Variants in CSMD3 observed in about 807,000 individuals in gnomAD.
CSMD3 encodes CUB and sushi domain-containing protein 3.
A neutral mutation model predicts 435.2 loss-of-function variants in CSMD3; 177 were observed. The ratio of observed to expected loss-of-function variants is 0.41; its 90% CI spans 0.36 to 0.46. The LOEUF (loss-of-function observed/expected upper bound fraction) is 0.46, where lower values mean the gene tolerates loss of function less well. Among genes scored for constraint, CSMD3 ranks in the 20% least tolerant of loss-of-function variants. CSMD3 has a pLI of 0.34. For synonymous variants in CSMD3, 1,656 were observed against 1,520.5 expected (o/e 1.09, Z -2.07); for missense variants, 4,265 against 4,504.6 (o/e 0.95, Z 1.52).
intron 22 of CSMD3, among the ~76,000 whole-genome samples, chr8:112,617,186 A>G (rs779566059): frequency 5.9e-5 from 9 of 152,198 alleles, no homozygotes; most frequent in Admixed American, 3.3e-4. Context: ...AATCTTCACA[A>G]TAAAATAATA....
chr8:113,421,031 T>C (rs181799792), intron 1 of CSMD3, among the ~76,000 whole-genome samples: 82 of 151,618 alleles, frequency 5.4e-4, no homozygotes, highest in African/African-American at 1.9e-3. Flanking sequence ...TAAATATAAC[T>C]GACATTATAA....
chr8:112,245,782 C>T (rs148298845), intron 64 of CSMD3, among the ~76,000 whole-genome samples: 2,024 of 152,262 alleles, frequency 0.013, 33 homozygotes, highest in Middle Eastern at 0.044. Flanking sequence ...AAGTGATCTG[C>T]CCACCTCGGC....
At chr8:112,491,472 T>C (rs1019763597) in intron 31 of CSMD3, among the ~76,000 whole-genome samples, 15 of 151,742 alleles carry the variant, frequency 9.9e-5, no homozygotes, top group Non-Finnish European at 1.5e-4. Context: ...CTGAGCAACA[T>C]TGCAAAAACT....
intron 13 of CSMD3, among the ~76,000 whole-genome samples, chr8:112,778,941 C>A (rs562555133): frequency 6.6e-6 from 1 of 152,004 alleles, no homozygotes; most frequent in East Asian, 1.9e-4. Context: ...TGATGTTGAA[C>A]ATATTTTCAT....
intron 12 of CSMD3, among the ~76,000 whole-genome samples, chr8:112,808,791 C>A (rs1034205819): frequency 3.4e-4 from 52 of 152,164 alleles, no homozygotes; most frequent in African/African-American, 1.2e-3. Flanking sequence ...CTAGCCCCTT[C>A]TTCGAGGCCA....
chr8:112,486,324 T>C (rs1380301722), intron 31 of CSMD3, among the ~76,000 whole-genome samples: 1 of 152,078 alleles, frequency 6.6e-6, no homozygotes, highest in African/African-American at 2.4e-5. Flanking sequence ...TATAGGGCAG[T>C]GATTAAGATC....
At chr8:112,709,547 A>C (rs974595208) in intron 13 of CSMD3, among the ~76,000 whole-genome samples, 1 of 152,126 alleles carries the variant, frequency 6.6e-6, no homozygotes, top group Non-Finnish European at 1.5e-5. Context: ...ATTACAATTC[A>C]GAGAAACAGA....
intron 1 of CSMD3, among the ~76,000 whole-genome samples, chr8:113,400,980 G>A (rs773877252): frequency 5.3e-5 from 8 of 151,734 alleles, no homozygotes; most frequent in Non-Finnish European, 8.9e-5. Context: ...GTAATTGAGA[G>A]ATAAAGAAAC....
At chr8:112,528,202 C>T (rs1457722214) in intron 27 of CSMD3, among the ~76,000 whole-genome samples, 7 of 151,898 alleles carry the variant, frequency 4.6e-5, no homozygotes, top group African/African-American at 1.7e-4. Flanking sequence ...TATACATACT[C>T]CTTAATATAA....
chr8:112,285,063 TTG>T (rs1430278710), intron 58 of CSMD3, among the ~76,000 whole-genome samples: 1 of 152,048 alleles, frequency 6.6e-6, no homozygotes, highest in African/African-American at 2.4e-5. Flanking sequence ...TAAAATCTGT[TTG>T]TGTAAGTGAT....
chr8:112,541,521 T>C (rs1586641301), intron 27 of CSMD3, among the ~76,000 whole-genome samples: 1 of 151,930 alleles, frequency 6.6e-6, no homozygotes, highest in South Asian at 2.1e-4. Flanking sequence ...GACACATTTA[T>C]AGAAATATAC....
At chr8:112,391,564 C>T (rs567415746) in intron 35 of CSMD3, among the ~76,000 whole-genome samples, 1 of 152,056 alleles carries the variant, frequency 6.6e-6, no homozygotes, top group African/African-American at 2.4e-5. Context: ...TGATGGTGGG[C>T]GCCTGTAGTC....
chr8:112,344,290 C>G (rs1227516193), intron 41 of CSMD3, among the ~76,000 whole-genome samples: 1 of 152,182 alleles, frequency 6.6e-6, no homozygotes, highest in Non-Finnish European at 1.5e-5. Flanking sequence ...CCTGTGCTCT[C>G]TAGTTACACT....
intron 3 of CSMD3, among the ~76,000 whole-genome samples, chr8:113,244,637 G>A (rs1026934981): frequency 2.0e-5 from 3 of 152,006 alleles, no homozygotes; most frequent in African/African-American, 7.2e-5. Context: ...TATGGTGTCA[G>A]CAGTAATCAA....
At chr8:113,217,678 A>T (rs2132112273) in intron 3 of CSMD3, among the ~76,000 whole-genome samples, 1 of 151,784 alleles carries the variant, frequency 6.6e-6, no homozygotes, top group Admixed American at 6.6e-5. Context: ...AGAGAGAAAC[A>T]AAGTGTTTTT....
rs148610500 is a variant in CSMD3, at chr8:113,150,022, C to G, written c.709+23700G>C. Reference sequence around the variant, plus strand: ...TTTCTTAGGACAATTACAAAATTAACTAGTTGTGAGGAGATTCATTCATTC... The same window carrying G: ...TTTCTTAGGACAATTACAAAATTAAGTAGTTGTGAGGAGATTCATTCATTC... On this transcript the variant is annotated intron_variant, in intron 4 of 70. Coordinates refer to ENST00000297405, the MANE Select transcript of CSMD3 (RefSeq NM_198123.2). Among the ~76,000 whole-genome samples, 541 of 151,702 alleles carry G rather than the reference C, an allele frequency of 3.6e-3. 14 individuals are homozygous for G. The highest frequency in any genetic ancestry group is 0.032 in the Admixed American group (493 of 15,204).
At chr8:112,501,304 T>C (rs1185254595) in intron 30 of CSMD3, among the ~76,000 whole-genome samples, 1 of 149,914 alleles carries the variant, frequency 6.7e-6, no homozygotes, top group Non-Finnish European at 1.5e-5. Context: ...CAATTAATAA[T>C]AATTGAATGA....
At chr8:112,511,384 CTTTTTTT>C (rs34548150) in intron 28 of CSMD3, among the ~76,000 whole-genome samples, 4 of 72,380 alleles carry the variant, frequency 5.5e-5, no homozygotes, top group South Asian at 4.5e-4. Flanking sequence ...ATTTTCTTTT[CTTTTTTT>C]TTTTTTTTTT....
intron 5 of CSMD3, among the ~76,000 whole-genome samples, chr8:113,045,662 G>T (rs2087798576): frequency 1.3e-5 from 2 of 149,390 alleles, no homozygotes; most frequent in South Asian, 4.2e-4. Flanking sequence ...ACTGAACACT[G>T]GGAACTGGAG....
Sources: gnomAD v4.1 joint callset for allele counts (sites outside exome capture counted in the v4.1 genomes callset) on GRCh38, gnomAD v4.1.1 for gene constraint, MANE v1.5 for transcripts, NCBI Gene and HGNC (gene_info 2026-07-23, HGNC 2026-07-21) for gene names.